PPP3CC: variants seen among roughly 807,000 people sequenced by gnomAD.
PPP3CC encodes serine/threonine-protein phosphatase 2B catalytic subunit gamma isoform.
A neutral mutation model predicts 60.3 loss-of-function variants in PPP3CC; 35 were observed. The ratio of observed to expected loss-of-function variants is 0.58; its 90% CI spans 0.44 to 0.77. The LOEUF is 0.77. PPP3CC is among the 30% of genes least tolerant of loss of function. The probability of loss-of-function intolerance (pLI) is 0.00; values close to 1 mark genes in which losing one functional copy is unlikely to be tolerated. For missense variants in PPP3CC, 570 were observed against 628.9 expected (o/e 0.91, Z 1.00); for synonymous variants, 206 against 224.3 (o/e 0.92, Z 0.73).
At chr8:22,489,058 G>A (rs980384950) in intron 3 of PPP3CC, among the ~76,000 whole-genome samples, 46 of 151,890 alleles carry the variant, frequency 3.0e-4, no homozygotes, top group Admixed American at 9.2e-4. Context: ...TTTGAGCAGG[G>A]GAGTGACGTA....
chr8:22,475,650 G>T, intron 3 of PPP3CC, 26 bp downstream of exon 3: 1 of 1,592,110 alleles, frequency 6.3e-7, no homozygotes, highest in Non-Finnish European at 8.6e-7. Context: ...GATATGTTGG[G>T]ACTATTATAT....
At position 22,540,791 on chromosome 8, in the gene PPP3CC, G is replaced by A; in HGVS notation, c.1528G>A (p.Ala510Thr). ...GCACAGGAGCGACCAAGGGAAGAAA[G>A]CCCATTCATGACTTAGAGTCCTGCC... ...AAHRSDQGKK[A>T]HS The change falls in exon 14 of 14, where the codon GCC (alanine) becomes ACC (threonine). Residue 510 changes from alanine to threonine, a missense_variant. Ala to Thr is a moderately conservative substitution (Grantham distance 58). Coordinates refer to ENST00000240139, the MANE Select transcript of PPP3CC (RefSeq NM_005605.5). 1 of 1,610,508 alleles carries A rather than the reference G, an allele frequency of 6.2e-7. No individual in the cohort carries two copies. Among genetic ancestry groups the A allele is most frequent in the Non-Finnish European group, 8.5e-7 (1 of 1,178,304 alleles).
In PPP3CC at chr8:22,442,985, T is replaced by C. The variant is rs7001812; in HGVS notation, c.49+1527T>C. On this transcript the variant is annotated intron_variant, in intron 1 of 13. Transcript: ENST00000240139. ...TGCCCTTAACTGCTTTCTAATCTGCTACGTCTTAGCTGAAGTAGGCAGGGA... is the reference window on the plus strand; with the variant it reads ...TGCCCTTAACTGCTTTCTAATCTGCCACGTCTTAGCTGAAGTAGGCAGGGA... Among the ~76,000 whole-genome samples, 97 of 152,298 alleles carry C rather than the reference T, an allele frequency of 6.4e-4. No homozygotes were observed. The East Asian group carries it at 0.012, about 18-fold the overall frequency.
At chr8:22,501,978 G>C (rs1398156464) in intron 4 of PPP3CC, among the ~76,000 whole-genome samples, 1 of 152,218 alleles carries the variant, frequency 6.6e-6, no homozygotes, top group Non-Finnish European at 1.5e-5. Flanking sequence ...AGTGGGCTAT[G>C]ATTGTGCCAC....
rs779555437 is a variant in PPP3CC, at chr8:22,481,060, C to T, written c.372+5436C>T. 5.9e-5 allele frequency among the ~76,000 whole-genome samples: 9 copies of T among 152,252 alleles called. No individual in the cohort carries two copies. The East Asian group carries it at 7.7e-4, about 13-fold the overall frequency. On this transcript the variant is annotated intron_variant, in intron 3 of 13. Coordinates refer to ENST00000240139, the MANE Select transcript of PPP3CC (RefSeq NM_005605.5). The stretch of plus-strand genomic sequence containing the variant: ...ATAAAATAATGGTCATTTGGCTGTG[C>T]GCAGTGGCTCATGCCTGTAATCCCA...
At chr8:22,452,019 G>GGTTT (rs1390278188) in intron 1 of PPP3CC, among the ~76,000 whole-genome samples, 2 of 143,536 alleles carry the variant, frequency 1.4e-5, no homozygotes, top group Non-Finnish European at 3.0e-5. Context: ...GTGCATAATG[G>GGTTT]TTTTTTTTTT....
At chr8:22,470,077 C>CACACAT (rs1554530757) in intron 1 of PPP3CC, among the ~76,000 whole-genome samples, 208 of 151,640 alleles carry the variant, frequency 1.4e-3, no homozygotes, top group African/African-American at 4.1e-3. Context: ...CACACACACA[C>CACACAT]ACACACACAT....
chr8:22,474,695 C>T (rs188282361), intron 1 of PPP3CC, among the ~76,000 whole-genome samples: 532 of 152,058 alleles, frequency 3.5e-3, no homozygotes, highest in African/African-American at 0.012. Flanking sequence ...ACAGAGCAAG[C>T]CTCCATCTCA....
At chr8:22,525,883 T>TC (rs398112308) in intron 8 of PPP3CC, among the ~76,000 whole-genome samples, 1 of 150,812 alleles carries the variant, frequency 6.6e-6, no homozygotes, top group African/African-American at 2.4e-5. Flanking sequence ...TTTTTTTTTT[T>TC]CAGAGACAGA....
At chr8:22,511,324 C>G (rs1839080790) in intron 5 of PPP3CC, 93 bp downstream of exon 5, 1 of 1,347,684 alleles carries the variant, frequency 7.4e-7, no homozygotes, top group African/African-American at 1.5e-5. Context: ...GAGTCTCTCT[C>G]TTTCACCCGG....
chr8:22,466,854 G>T (rs1837536480), intron 1 of PPP3CC, among the ~76,000 whole-genome samples: 1 of 152,222 alleles, frequency 6.6e-6, no homozygotes, highest in Non-Finnish European at 1.5e-5. Context: ...AGATCCTTCT[G>T]TGTCAGCCTC....
At chr8:22,475,787 T>G in intron 3 of PPP3CC, 163 bp downstream of exon 3, 2 of 697,952 alleles carry the variant, frequency 2.9e-6, no homozygotes, top group Non-Finnish European at 4.3e-6. Flanking sequence ...ATAGAACAGT[T>G]ATTCCTTTTT....
rs1027543068 is a variant in PPP3CC at position 22,441,130 on chromosome 8, C to T, written c.-280C>T. ...AGCCGCGGCCGTCCCGGTCGCCACCCTTAGCAGCGGTCGCGGTCGGTGCCG... is the reference window on the plus strand; with the variant it reads ...AGCCGCGGCCGTCCCGGTCGCCACCTTTAGCAGCGGTCGCGGTCGGTGCCG... On this transcript the variant is annotated 5_prime_UTR_variant, in exon 1 of 14. Coordinates refer to ENST00000240139, the MANE Select transcript of PPP3CC (RefSeq NM_005605.5). 6.2e-6 allele frequency: 2 copies of T among 322,672 alleles called. No individual in the cohort carries two copies. Among genetic ancestry groups the T allele is most frequent in the African/African-American group, 2.2e-5 (1 of 46,468 alleles). The allele number at this position is 322,672 out of a possible 1,614,324, so 20.0% of individuals were successfully genotyped here.
chr8:22,462,167 C>G (rs745620888), intron 1 of PPP3CC, among the ~76,000 whole-genome samples: 5 of 152,090 alleles, frequency 3.3e-5, no homozygotes, highest in Non-Finnish European at 5.9e-5. Flanking sequence ...CACTTGAACT[C>G]AAGAGTTGGA....
intron 6 of PPP3CC, among the ~76,000 whole-genome samples, chr8:22,516,347 T>G (rs182990350): frequency 1.3e-5 from 2 of 152,346 alleles, no homozygotes; most frequent in East Asian, 3.8e-4. Flanking sequence ...TAATACATAT[T>G]CATTGTTGTC....
intron 1 of PPP3CC, among the ~76,000 whole-genome samples, chr8:22,441,895 C>T (rs1836685094): frequency 6.6e-6 from 1 of 152,158 alleles, no homozygotes; most frequent in Non-Finnish European, 1.5e-5. Flanking sequence ...GCCTTTTGAC[C>T]CGCTTTCTCT....
At chr8:22,447,512 T>C (rs1435505526) in intron 1 of PPP3CC, among the ~76,000 whole-genome samples, 1 of 151,834 alleles carries the variant, frequency 6.6e-6, no homozygotes, top group Non-Finnish European at 1.5e-5. Context: ...GAGGTGGAGT[T>C]TCGCCCTGTT....
intron 8 of PPP3CC, among the ~76,000 whole-genome samples, chr8:22,523,209 A>G (rs1586861797): frequency 6.6e-6 from 1 of 152,094 alleles, no homozygotes. Context: ...AAAAACCTTC[A>G]TTTTTAGTTT....
chr8:22,537,681 A>G (rs1171731254), intron 12 of PPP3CC, among the ~76,000 whole-genome samples: 1 of 152,256 alleles, frequency 6.6e-6, no homozygotes, highest in African/African-American at 2.4e-5. Flanking sequence ...TGGATAAACA[A>G]AATGTGGTAA....
Sources: gnomAD v4.1 joint callset for allele counts (sites outside exome capture counted in the v4.1 genomes callset) on GRCh38, gnomAD v4.1.1 for gene constraint, MANE v1.5 for transcripts, NCBI Gene and HGNC (gene_info 2026-07-23, HGNC 2026-07-21) for gene names.